The following CTCFL variants were observed in gnomAD, a reference collection of about 807,000 sequenced individuals.
CTCFL encodes transcriptional repressor CTCFL.
A neutral mutation model predicts 67.4 loss-of-function variants in CTCFL; 36 were observed. That is an observed-to-expected ratio of 0.53 (90% confidence interval 0.41 to 0.71). The LOEUF (loss-of-function observed/expected upper bound fraction) is 0.71. Among genes scored for constraint, CTCFL ranks in the 30% least tolerant of loss-of-function variants. CTCFL has a pLI of 0.00. For synonymous variants in CTCFL, 324 were observed against 302.3 expected (o/e 1.07, Z -0.75); for missense variants, 786 against 835.2 (o/e 0.94, Z 0.73).
chr20:57,504,976 A>C (rs1259187930), intron 9 of CTCFL, among the ~76,000 whole-genome samples: 1 of 151,912 alleles, frequency 6.6e-6, no homozygotes, highest in Non-Finnish European at 1.5e-5. Context: ...CTCCTGCTGC[A>C]AACTGTGGTG....
Position 57,503,489 on chromosome 20 carries a change from G to C in CTCFL, c.1787C>G (p.Thr596Arg). The change falls in exon 10 of 11, where the codon ACA becomes AGA. Residue 596 changes from threonine (T) to arginine (R), a missense_variant. By Grantham distance (71) the Thr-to-Arg change is moderately conservative. Around this residue, in one of 3 missense-constraint regions of CTCFL, gnomAD observed 199 missense variants for 196.7 expected, o/e 1.01. Coordinates refer to ENST00000243914, the MANE Select transcript of CTCFL (RefSeq NM_001386993.1). The stretch of plus-strand genomic sequence containing the variant: ...CTTCGCAGCTTCCTTCTGACCCTTT[G>C]TGGCTTCCTTCAGGATGGTCTGCTT... The part of the protein sequence containing the change: ...KRKQTILKEA[T>R]KGQKEAAKGW... 6.2e-7 allele frequency: 1 copy of C among 1,614,224 alleles called. No homozygotes were observed. The highest frequency in any genetic ancestry group is 8.5e-7 in the Non-Finnish European group (1 of 1,180,040).
chr20:57,512,875 A>G (rs748333550), intron 7 of CTCFL, 123 bp from the exon 8 acceptor site: 27 of 861,576 alleles, frequency 3.1e-5, no homozygotes, highest in Non-Finnish European at 4.2e-5. Flanking sequence ...CTTCCTGGGC[A>G]GGGCAGGGTG....
chr20:57,514,241 C>A (rs537711010), intron 7 of CTCFL, among the ~76,000 whole-genome samples: 5 of 152,308 alleles, frequency 3.3e-5, no homozygotes, highest in Non-Finnish European at 7.3e-5. Context: ...CCTCCTAGCA[C>A]CCTTGGTTCG....
At chr20:57,499,374 C>G (rs1474604109) in intron 10 of CTCFL, among the ~76,000 whole-genome samples, 1 of 152,174 alleles carries the variant, frequency 6.6e-6, no homozygotes, top group Non-Finnish European at 1.5e-5. Flanking sequence ...ACCTGCTCCC[C>G]CTCCAGCAGC....
intron 8 of CTCFL, 120 bp from the exon 9 acceptor site, chr20:57,508,908 G>A: frequency 1.1e-6 from 1 of 892,014 alleles, no homozygotes; most frequent in Non-Finnish European, 1.7e-6. Flanking sequence ...CTATTAAGCA[G>A]AATTACTGCA....
At chr20:57,502,930 A>AGC (rs1283717175) in intron 10 of CTCFL, among the ~76,000 whole-genome samples, 1 of 152,200 alleles carries the variant, frequency 6.6e-6, no homozygotes, top group Non-Finnish European at 1.5e-5. Flanking sequence ...AAGAGAGGAG[A>AGC]GAGCTAGGAA....
chr20:57,507,362 C>CT (rs35926305), intron 9 of CTCFL: 19,041 of 477,642 alleles, frequency 0.04, 105 homozygotes, highest in African/African-American at 0.077. Context: ...TAGCTATTTT[C>CT]TTTTTTTTTT....
Position 57,498,540 on chromosome 20 carries a change from C to T in CTCFL, c.*10G>A, listed in dbSNP as rs751338436. The T allele has an allele frequency of 4.0e-5, 65 of 1,606,950 alleles. No homozygotes were observed. The highest frequency in any genetic ancestry group is 1.7e-4 in the African/African-American group (13 of 74,628). On this transcript the variant is annotated 3_prime_UTR_variant, in exon 11 of 11. Coordinates refer to ENST00000243914, the MANE Select transcript of CTCFL (RefSeq NM_001386993.1). ...AATTGGGGGCAGTGAACACGCAACC[C>T]GAATCCCTCTCACTTATCCATCGTG...
chr20:57,506,930 G>A (rs996122822), intron 9 of CTCFL: 38 of 985,284 alleles, frequency 3.9e-5, no homozygotes, highest in Non-Finnish European at 4.1e-5. Flanking sequence ...CTATCCCACT[G>A]TGCTACTCAG....
chr20:57,514,543 A>G (rs760397152), intron 7 of CTCFL, 49 bp downstream of exon 7: 2 of 1,602,884 alleles, frequency 1.2e-6, no homozygotes, highest in Admixed American at 1.7e-5. Context: ...ACCACGCTCC[A>G]AAGAGCCAGC....
intron 7 of CTCFL, 117 bp downstream of exon 7, chr20:57,514,475 C>G: frequency 7.9e-7 from 1 of 1,260,738 alleles, no homozygotes; most frequent in Non-Finnish European, 1.1e-6. Flanking sequence ...GTCCCAGGGC[C>G]AAGTTCCCGA....
At chr20:57,503,650 G>A (rs750505900) in intron 9 of CTCFL, 49 bp from the exon 10 acceptor site, 14 of 1,581,130 alleles carry the variant, frequency 8.9e-6, no homozygotes, top group Non-Finnish European at 1.1e-5. Flanking sequence ...GATGGGGCAG[G>A]GACCCCTCTC....
intron 1 of CTCFL, chr20:57,524,502 G>A: frequency 8.3e-7 from 1 of 1,204,936 alleles, no homozygotes; most frequent in Non-Finnish European, 1.0e-6. Flanking sequence ...CGCCTGGCAA[G>A]GTTCCGCCTG....
intron 8 of CTCFL, among the ~76,000 whole-genome samples, chr20:57,512,266 T>C (rs6128060): frequency 0.12 from 18,318 of 152,202 alleles, 1,452 homozygotes; most frequent in East Asian, 0.37. Flanking sequence ...ACTGCCTTGA[T>C]CCGGGCTAAG....
At chr20:57,525,000 G>A (rs1358724334) in intron 1 of CTCFL, 28 bp downstream of exon 1, 5 of 153,054 alleles carry the variant, frequency 3.3e-5, no homozygotes, top group African/African-American at 1.2e-4. Context: ...AGGAGAGCAG[G>A]TGGGCTTGAC....
rs952404527 is a variant in CTCFL at position 57,511,519 on chromosome 20, T to C, written c.1491+1073A>G. ...GGAAAATACTAGTTCACTTGAGTTATGCAGATCTTCTAAATGCTGACATAT... is the reference window on the plus strand; with the variant it reads ...GGAAAATACTAGTTCACTTGAGTTACGCAGATCTTCTAAATGCTGACATAT... On this transcript the variant is annotated intron_variant, in intron 8 of 10. Transcript: ENST00000243914. Among the ~76,000 whole-genome samples the C allele has an allele frequency of 2.6e-5, 4 of 152,286 alleles. No individual in the cohort carries two copies. In the East Asian group the frequency reaches 5.8e-4, roughly 22 times the overall value.
At chr20:57,510,499 T>C (rs1292129205) in intron 8 of CTCFL, among the ~76,000 whole-genome samples, 3 of 152,212 alleles carry the variant, frequency 2.0e-5, no homozygotes, top group Admixed American at 6.5e-5. Flanking sequence ...ATAAAACTAT[T>C]TGTTGTTGTC....
chr20:57,519,136 G>A (rs1435368142), intron 4 of CTCFL, 71 bp downstream of exon 4: 6 of 1,462,736 alleles, frequency 4.1e-6, no homozygotes, highest in Admixed American at 2.0e-5. Flanking sequence ...GTAGAAACAG[G>A]TGGATTCACA....
chr20:57,519,291 T>C lies in CTCFL; in HGVS notation c.841A>G (p.Ser281Gly), dbSNP rs774215348. 3.1e-5 allele frequency: 50 copies of C among 1,613,854 alleles called. No individual in the cohort carries two copies. The South Asian group carries it at 4.4e-4, about 14-fold the overall frequency. ...SFNRHMKTHT[S>G]EKPHLCHLCL... Reference sequence around the variant, plus strand: ...AGGTGACACAGGTGAGGCTTCTCACTGGTGTGAGTTTTCATATGACGATTA... The same window carrying C: ...AGGTGACACAGGTGAGGCTTCTCACCGGTGTGAGTTTTCATATGACGATTA... The change falls in exon 4 of 11, where the codon AGT (serine) becomes GGT (glycine). Residue 281 changes from serine (S) to glycine (G), a missense_variant. Coordinates refer to ENST00000243914, the MANE Select transcript of CTCFL (RefSeq NM_001386993.1).
Sources: gnomAD v4.1 joint callset for allele counts (sites outside exome capture counted in the v4.1 genomes callset) on GRCh38, gnomAD v4.1.1 for gene constraint, gnomAD v4.1.1 regional missense constraint, MANE v1.5 for transcripts, NCBI Gene and HGNC (gene_info 2026-07-23, HGNC 2026-07-21) for gene names.